PCSK5: variants seen among roughly 807,000 people sequenced by gnomAD.
PCSK5 encodes proprotein convertase subtilisin/kexin type 5.
In PCSK5, 129 loss-of-function variants were observed where a neutral mutation model predicts 233.2. The ratio of observed to expected loss-of-function variants is 0.55; its 90% CI spans 0.48 to 0.64. PCSK5 has a LOEUF of 0.64. Ranked by LOEUF, PCSK5 falls within the 30% of genes least tolerant of loss-of-function variation. The pLI, the probability that PCSK5 is intolerant of heterozygous loss-of-function variation, is 0.00. For synonymous variants in PCSK5, 825 were observed against 879.2 expected, an observed-to-expected ratio of 0.94 and a Z score of 1.09; for missense variants, 2,076 against 2,430.1, an observed-to-expected ratio of 0.85 and a Z score of 3.06.
At chr9:76,072,347 C>T (rs1830509911) in intron 7 of PCSK5, among the ~76,000 whole-genome samples, 1 of 152,152 alleles carries the variant, frequency 6.6e-6, no homozygotes, top group Non-Finnish European at 1.5e-5. Context: ...TGTTCCAGCT[C>T]CTGATCGCTA....
chr9:76,148,315 TAGAGAGGGAGAG>T (rs1823530937), intron 10 of PCSK5, among the ~76,000 whole-genome samples: 1 of 145,892 alleles, frequency 6.9e-6, no homozygotes, highest in African/African-American at 2.5e-5. Context: ...GTCTGTTGCT[TAGAGAGGGAGAG>T]AGAGAGGGAG....
In PCSK5 at chr9:76,276,365, A is replaced by G. The variant is rs556295574; in HGVS notation, c.3143-15868A>G. On this transcript the variant is annotated intron_variant, in intron 24 of 37. Coordinates refer to ENST00000674117, the MANE Select transcript of PCSK5 (RefSeq NM_001372043.1). ...GTAGACACAGTCATCATTTTAAATAAATCAGATCACATAGGTCATTTTTAC... is the reference window on the plus strand; with the variant it reads ...GTAGACACAGTCATCATTTTAAATAGATCAGATCACATAGGTCATTTTTAC... 1.6e-4 allele frequency among the ~76,000 whole-genome samples: 25 copies of G among 152,330 alleles called. No individual in the cohort carries two copies. The South Asian group carries it at 5.2e-3, about 32-fold the overall frequency.
intron 10 of PCSK5, among the ~76,000 whole-genome samples, chr9:76,155,263 G>A (rs186257485): frequency 6.6e-6 from 1 of 152,230 alleles, no homozygotes; most frequent in Admixed American, 6.5e-5. Context: ...ATGTAGATGA[G>A]ATAGATCATA....
At chr9:76,289,396 C>T (rs1477926756) in intron 24 of PCSK5, among the ~76,000 whole-genome samples, 1 of 151,494 alleles carries the variant, frequency 6.6e-6, no homozygotes, top group Non-Finnish European at 1.5e-5. Context: ...ATTTAAACAT[C>T]CTTCTTTGGA....
At chr9:76,016,476 G>A (rs1009962321) in intron 3 of PCSK5, among the ~76,000 whole-genome samples, 2 of 152,214 alleles carry the variant, frequency 1.3e-5, no homozygotes, top group Admixed American at 6.5e-5. Flanking sequence ...AGGTACTTGA[G>A]ATTGGTGTGA....
At chr9:76,116,985 T>G (rs1035817768) in intron 9 of PCSK5, among the ~76,000 whole-genome samples, 1 of 134,946 alleles carries the variant, frequency 7.4e-6, no homozygotes, top group Admixed American at 7.8e-5. Context: ...TAGTGAGATA[T>G]CGCGCCAACA....
At chr9:76,290,710 C>T (rs370922005) in intron 24 of PCSK5, among the ~76,000 whole-genome samples, 4 of 152,326 alleles carry the variant, frequency 2.6e-5, no homozygotes, top group South Asian at 2.1e-4. Flanking sequence ...AGTCAGGGGA[C>T]GGCAAATTCT....
intron 28 of PCSK5, among the ~76,000 whole-genome samples, chr9:76,304,171 C>CA (rs1398207260): frequency 6.6e-6 from 1 of 152,046 alleles, no homozygotes; most frequent in Non-Finnish European, 1.5e-5. Context: ...GACTCTGTCT[C>CA]AAAAAATAAA....
chr9:76,334,569 A>G (rs911784233), intron 34 of PCSK5, among the ~76,000 whole-genome samples: 1 of 152,172 alleles, frequency 6.6e-6, no homozygotes, highest in Non-Finnish European at 1.5e-5. Flanking sequence ...CATCTCTACT[A>G]AAAATACAAA....
chr9:76,287,393 TC>T, intron 24 of PCSK5: 1 of 178,188 alleles, frequency 5.6e-6, no homozygotes. Context: ...GAGTTAGAAA[TC>T]CCTCTCTCCA....
chr9:75,955,815 AG>A (rs1825069095), intron 2 of PCSK5, among the ~76,000 whole-genome samples: 1 of 152,176 alleles, frequency 6.6e-6, no homozygotes, highest in Non-Finnish European at 1.5e-5. Context: ...TGAGCTTTAG[AG>A]GGCCATAAAC....
At chr9:76,163,884 A>C (rs1428043706) in intron 12 of PCSK5, among the ~76,000 whole-genome samples, 2 of 98,050 alleles carry the variant, frequency 2.0e-5, no homozygotes, top group South Asian at 3.7e-4. Context: ...TTTTTTCCTG[A>C]ATCTCCCTTA....
At chr9:76,244,573 T>C (rs1377511133) in intron 24 of PCSK5, among the ~76,000 whole-genome samples, 1 of 151,674 alleles carries the variant, frequency 6.6e-6, no homozygotes, top group Non-Finnish European at 1.5e-5. Flanking sequence ...GTTTTTTTTT[T>C]TTTTTTTTAG....
intron 2 of PCSK5, among the ~76,000 whole-genome samples, chr9:75,937,707 T>G (rs962904651): frequency 1.3e-5 from 2 of 152,256 alleles, no homozygotes; most frequent in African/African-American, 4.8e-5. Context: ...TGTTGTTTAG[T>G]GTAGCTGTCT....
rs150827730 is a variant in PCSK5 at position 76,090,954 on chromosome 9, G to A, written c.895-4936G>A. 2.0e-4 allele frequency among the ~76,000 whole-genome samples: 27 copies of A among 135,892 alleles called. No individual in the cohort carries two copies. The East Asian group carries it at 5.2e-3, about 26-fold the overall frequency. 89.2% of individuals were successfully genotyped at this position (135,892 alleles called of 152,430 possible). A position where few individuals can be genotyped will look rare whatever the true frequency, so the allele number is the denominator to read the frequency against. ...GAGAAGCAGGAAACCTAGATCCCTCGCATGCGTAGGTCATAAGAGGTTCGA... is the reference window on the plus strand; with the variant it reads ...GAGAAGCAGGAAACCTAGATCCCTCACATGCGTAGGTCATAAGAGGTTCGA... On this transcript the variant is annotated intron_variant, in intron 7 of 37. Transcript: ENST00000674117.
chr9:76,293,656 G>A (rs2131409936), intron 25 of PCSK5, among the ~76,000 whole-genome samples: 1 of 152,268 alleles, frequency 6.6e-6, no homozygotes, highest in Non-Finnish European at 1.5e-5. Context: ...CGCCATGTTG[G>A]CCAGGCTCTG....
At chr9:76,344,362 C>A (rs141708436) in intron 35 of PCSK5, among the ~76,000 whole-genome samples, 1 of 152,022 alleles carries the variant, frequency 6.6e-6, no homozygotes, top group Non-Finnish European at 1.5e-5. Context: ...TCCCAGGAAG[C>A]CCCTAAAGCA....
intron 20 of PCSK5, among the ~76,000 whole-genome samples, chr9:76,226,717 A>G (rs1055003236): frequency 6.6e-6 from 1 of 152,160 alleles, no homozygotes; most frequent in Non-Finnish European, 1.5e-5. Flanking sequence ...TTTTTAAGAC[A>G]ATAGCAGGTT....
chr9:76,004,412 T>A (rs1228221905), intron 3 of PCSK5, among the ~76,000 whole-genome samples: 3 of 152,218 alleles, frequency 2.0e-5, no homozygotes, highest in Non-Finnish European at 4.4e-5. Context: ...TGGATTGAGA[T>A]GATATCTGCT....
Sources: allele counts gnomAD v4.1 joint callset (sites outside exome capture counted in the v4.1 genomes callset), GRCh38; gene constraint gnomAD v4.1.1; transcripts MANE v1.5; gene names NCBI Gene and HGNC (gene_info 2026-07-23, HGNC 2026-07-21).